Variants in MTOR observed in about 807,000 individuals in gnomAD.
MTOR encodes the protein mechanistic target of rapamycin kinase.
MTOR carries 70 observed loss-of-function variants against 319.8 expected under a neutral mutation model. That is an observed-to-expected ratio of 0.22 (90% CI 0.18 to 0.27). The LOEUF (loss-of-function observed/expected upper bound fraction) is 0.27, where lower values mean the gene tolerates loss of function less well. MTOR is among the 10% of genes least tolerant of loss of function. The pLI, the probability that MTOR is intolerant of heterozygous loss-of-function variation, is 1.00. For missense variants in MTOR, 1,890 were observed against 3,274.4 expected, an observed-to-expected ratio of 0.58 and a Z score of 10.32; for synonymous variants, 1,183 against 1,211.4, an observed-to-expected ratio of 0.98 and a Z score of 0.49.
In MTOR at chr1:11,212,824, C is replaced by T. The variant is rs1389933020; in HGVS notation, c.3370G>A (p.Ala1124Thr). Reference sequence around the variant, plus strand: ...CGAGATGGCAGTGGAGCTTCAGGGGCATCAAACAACTTAACAATAGGAGGC... The same window carrying T: ...CGAGATGGCAGTGGAGCTTCAGGGGTATCAAACAACTTAACAATAGGAGGC... ...LLPPIVKLFDAPEAPLPSRKA... is the reference protein window; with the variant it reads ...LLPPIVKLFDTPEAPLPSRKA... The change falls in exon 22 of 58, where the codon GCC becomes ACC. Residue 1124 changes from alanine to threonine, a missense_variant. This residue lies in a region of MTOR where 377 missense variants were observed against 653.9 expected (regional missense o/e 0.58). Transcript: ENST00000361445. This position sits in a 1 kb window ranked among gnomAD's most constrained non-coding sequence, Gnocchi z 4.1. The T allele has an allele frequency of 6.2e-7, 1 of 1,613,954 alleles. No homozygotes were observed. Among genetic ancestry groups the T allele is most frequent in the Non-Finnish European group, 8.5e-7 (1 of 1,179,960 alleles).
chr1:11,170,936 T>C (rs1397593851), intron 28 of MTOR, among the ~76,000 whole-genome samples: 2 of 151,744 alleles, frequency 1.3e-5, no homozygotes, highest in Non-Finnish European at 2.9e-5. Context: ...AAACTAACTC[T>C]AAGAAACGAC....
intron 57 of MTOR, 34 bp downstream of exon 57, chr1:11,108,147 A>C: frequency 6.3e-7 from 1 of 1,575,696 alleles, no homozygotes; most frequent in Non-Finnish European, 8.7e-7. Context: ...CTGATTGCTT[A>C]TTTTAACAAA....
At chr1:11,243,041 T>C (rs1174035120) in intron 9 of MTOR, 73 bp downstream of exon 9, 1 of 1,559,010 alleles carries the variant, frequency 6.4e-7, no homozygotes, top group Non-Finnish European at 8.7e-7. Flanking sequence ...GTAAGCTCCG[T>C]GGATCTGAAA....
intron 28 of MTOR, among the ~76,000 whole-genome samples, chr1:11,179,512 T>C (rs554974391): frequency 7.9e-4 from 120 of 152,326 alleles, no homozygotes; most frequent in South Asian, 3.9e-3. Context: ...TTTGTAACAA[T>C]AGCCCCTCTG....
intron 1 of MTOR, among the ~76,000 whole-genome samples, chr1:11,260,719 C>CT (rs35365679): frequency 0.6 from 89,702 of 148,892 alleles, 30,214 homozygotes; most frequent in East Asian, 0.86. Flanking sequence ...AGTGTCCATT[C>CT]TTTTTTTTTA....
chr1:11,259,194 T>C, intron 2 of MTOR, 54 bp downstream of exon 2: 1 of 1,576,894 alleles, frequency 6.3e-7, no homozygotes, highest in South Asian at 1.2e-5. Flanking sequence ...AAACCAGTGA[T>C]GGTACATTTA....
At chr1:11,108,428 G>C in intron 56 of MTOR, 142 bp from the exon 57 acceptor site, 1 of 686,350 alleles carries the variant, frequency 1.5e-6, no homozygotes, top group East Asian at 3.0e-5. Context: ...GATTTGAAAA[G>C]TTTGGCCAGG....
intron 29 of MTOR, among the ~76,000 whole-genome samples, chr1:11,161,948 A>T (rs1644490668): frequency 6.6e-6 from 1 of 152,236 alleles, no homozygotes; most frequent in African/African-American, 2.4e-5. Flanking sequence ...AACTTTGATG[A>T]GTTGAAAGAA....
intron 26 of MTOR, among the ~76,000 whole-genome samples, chr1:11,203,166 T>C (rs778520740): frequency 3.3e-5 from 5 of 151,426 alleles, no homozygotes; most frequent in Admixed American, 6.6e-5. Flanking sequence ...TGAGCCACAA[T>C]TGCGCCACTG....
At chr1:11,239,557 GTAT>G (rs946327429) in intron 11 of MTOR, among the ~76,000 whole-genome samples, 1 of 149,254 alleles carries the variant, frequency 6.7e-6, no homozygotes, top group African/African-American at 2.6e-5. Flanking sequence ...TCTCTGTGGG[GTAT>G]TATTATGGGT....
At chr1:11,189,065 T>C (rs556594555) in intron 28 of MTOR, among the ~76,000 whole-genome samples, 1 of 152,298 alleles carries the variant, frequency 6.6e-6, no homozygotes, top group Non-Finnish European at 1.5e-5. Context: ...CTGTCCTGCT[T>C]GCTGATAGAG....
chr1:11,172,543 G>A (rs1354241109), intron 28 of MTOR, among the ~76,000 whole-genome samples: 2 of 121,564 alleles, frequency 1.6e-5, no homozygotes, highest in Admixed American at 9.2e-5. Flanking sequence ...CTGGGTGACC[G>A]CGAGACTCTG....
chr1:11,193,716 G>A (rs776073040), intron 28 of MTOR: 9 of 1,614,000 alleles, frequency 5.6e-6, no homozygotes, highest in Middle Eastern at 1.6e-4. Flanking sequence ...TTCTGGCTGG[G>A]GAACGAACAC....
chr1:11,109,573 CCT>C lies in MTOR; in HGVS notation c.7447+74_7447+75del. On this transcript the variant is annotated intron_variant, in intron 55 of 57. Transcript: ENST00000361445. This position sits in a 1 kb window ranked among gnomAD's most constrained non-coding sequence, Gnocchi z 4.0. ...GTTTTGTTGCTTCATCTTGTTGACC[CCT>C]CTCAGGGTATAACACAGCTGCTATT... is the stretch of plus-strand genomic sequence containing the variant. 1.4e-6 allele frequency: 2 copies of C among 1,436,210 alleles called. No homozygotes were observed. Among genetic ancestry groups the C allele is most frequent in the African/African-American group, 1.4e-5 (1 of 70,896 alleles). The allele number at this position is 1,436,210 out of a possible 1,614,324, so 89.0% of individuals were successfully genotyped here.
intron 11 of MTOR, among the ~76,000 whole-genome samples, chr1:11,239,250 G>C (rs1480266100): frequency 2.0e-5 from 3 of 152,066 alleles, no homozygotes; most frequent in Non-Finnish European, 4.4e-5. Flanking sequence ...CATTCTCAGA[G>C]GATAATACAA....
intron 9 of MTOR, 30 bp downstream of exon 9, chr1:11,243,084 G>A: frequency 1.2e-6 from 2 of 1,611,038 alleles, no homozygotes; most frequent in Non-Finnish European, 1.7e-6. Context: ...CAAATGGAGT[G>A]GAAGGTGAAA....
At chr1:11,205,774 C>G (rs1305140195) in intron 25 of MTOR, among the ~76,000 whole-genome samples, 1 of 152,248 alleles carries the variant, frequency 6.6e-6, no homozygotes, top group Admixed American at 6.5e-5. Context: ...AAATCCCTAA[C>G]TTTTAAAATA....
At chr1:11,229,863 G>A (rs1174993971) in intron 18 of MTOR, among the ~76,000 whole-genome samples, 1 of 152,102 alleles carries the variant, frequency 6.6e-6, no homozygotes, top group African/African-American at 2.4e-5. Context: ...TGTAGTCCCA[G>A]CTACTTGAGG....
intron 19 of MTOR, among the ~76,000 whole-genome samples, chr1:11,226,589 G>A (rs556402264): frequency 3.9e-5 from 6 of 152,206 alleles, no homozygotes; most frequent in African/African-American, 1.4e-4. Context: ...CCAGGAGTTT[G>A]ATACCAGCCT....
Sources: allele counts gnomAD v4.1 joint callset (sites outside exome capture counted in the v4.1 genomes callset), GRCh38; gene constraint gnomAD v4.1.1; regional missense constraint gnomAD v4.1.1; non-coding constraint Gnocchi (gnomAD v3.1); transcripts MANE v1.5; gene names NCBI Gene and HGNC (gene_info 2026-07-23, HGNC 2026-07-21).